ATP2C2: variants seen among roughly 807,000 people sequenced by gnomAD.
The protein encoded by ATP2C2 is ATPase secretory pathway Ca2+ transporting 2, also known as calcium-transporting ATPase type 2C member 2.
ATP2C2 carries 171 observed loss-of-function variants against 110.8 expected under a neutral mutation model. The ratio of observed to expected loss-of-function variants is 1.54; its 90% CI spans 1.36 to 1.75. ATP2C2 has a LOEUF of 1.75. ATP2C2 is among the 40% of genes most tolerant of loss of function. The pLI, the probability that ATP2C2 is intolerant of heterozygous loss-of-function variation, is 0.00. For missense variants in ATP2C2, 1,963 were observed against 1,235.0 expected (o/e 1.59, Z -8.84); for synonymous variants, 804 against 508.4 (o/e 1.58, Z -7.82).
intron 17 of ATP2C2, among the ~76,000 whole-genome samples, chr16:84,450,835 A>G (rs559129038): frequency 6.6e-6 from 1 of 152,056 alleles, no homozygotes; most frequent in South Asian, 2.1e-4. Flanking sequence ...TAACCTCTGT[A>G]CCGCGCCCCC....
chr16:84,462,387 T>C, intron 26 of ATP2C2: 1 of 411,256 alleles, frequency 2.4e-6, no homozygotes. Flanking sequence ...GGCACCGGCA[T>C]CCCAGGCGTC....
rs1265027320 is a variant in ATP2C2, at chr16:84,461,727, G to A, written c.2495G>A (p.Arg832Lys). 1 of 1,614,156 alleles carries A rather than the reference G, an allele frequency of 6.2e-7. No individual in the cohort carries two copies. The highest frequency in any genetic ancestry group is 1.1e-5 in the South Asian group (1 of 91,086). The change falls in exon 25 of 27, where the codon AGA becomes AAA. Residue 832 changes from arginine (R) to lysine (K), a missense_variant. Transcript: ENST00000262429. ...FIFWKEMPED[R>K]ASTPRTTTMT... Reference sequence around the variant, plus strand: ...CTCACCTTCCAGATGCCTGAAGACAGAGCAAGCACTCCCCGCACCACGACG... The same window carrying A: ...CTCACCTTCCAGATGCCTGAAGACAAAGCAAGCACTCCCCGCACCACGACG...
chr16:84,460,923 G>A lies in ATP2C2; in HGVS notation c.2481+122G>A, dbSNP rs1016094376. The A allele has an allele frequency of 5.2e-6, 7 of 1,351,762 alleles. No individual in the cohort carries two copies. In the South Asian group the frequency reaches 8.6e-5, roughly 17 times the overall value. 83.7% of individuals were successfully genotyped at this position (1,351,762 alleles called of 1,614,324 possible). ...GAGAGGCAAACATGTACACACACCG[G>A]ACAATGTGATGCCATCAGAGGCGTG... On this transcript the variant is annotated intron_variant, in intron 24 of 26. Coordinates refer to ENST00000262429, the MANE Select transcript of ATP2C2 (RefSeq NM_014861.4).
chr16:84,388,754 C>T (rs1248496728), intron 1 of ATP2C2, among the ~76,000 whole-genome samples: 1 of 152,052 alleles, frequency 6.6e-6, no homozygotes, highest in Non-Finnish European at 1.5e-5. Context: ...TTGTGAAATT[C>T]TTTTTTTGTT....
rs549879037 is a variant in ATP2C2, at chr16:84,396,473, C to G, written c.100-2026C>G. The stretch of plus-strand genomic sequence containing the variant: ...GGTGAGGCAGGAGACTCGCTTGAAC[C>G]CGGGAGGAGGAGGTTGTAGTGAGCC... On this transcript the variant is annotated intron_variant, in intron 1 of 26. Transcript: ENST00000262429. Among the ~76,000 whole-genome samples, 4 of 150,682 alleles carry G rather than the reference C, an allele frequency of 2.7e-5. No individual in the cohort carries two copies. The East Asian group carries it at 7.8e-4, about 30-fold the overall frequency.
intron 17 of ATP2C2, among the ~76,000 whole-genome samples, chr16:84,449,625 G>A (rs247889): frequency 0.21 from 31,799 of 152,080 alleles, 4,330 homozygotes; most frequent in Non-Finnish European, 0.28. Flanking sequence ...CAGCTTCTGC[G>A]AGCCAGGTGA....
intron 4 of ATP2C2, among the ~76,000 whole-genome samples, chr16:84,409,979 G>T (rs1421238917): frequency 1.3e-5 from 2 of 152,130 alleles, no homozygotes; most frequent in African/African-American, 2.4e-5. Flanking sequence ...GGAGGCCTGG[G>T]GGGTGGATCA....
intron 1 of ATP2C2, among the ~76,000 whole-genome samples, chr16:84,373,270 C>G (rs1910062705): frequency 1.3e-5 from 2 of 152,206 alleles, no homozygotes; most frequent in African/African-American, 4.8e-5. Context: ...AAAGCCGAGG[C>G]AGGCGGATCA....
intron 1 of ATP2C2, among the ~76,000 whole-genome samples, chr16:84,382,310 C>A (rs1053757650): frequency 3.3e-5 from 5 of 152,194 alleles, no homozygotes; most frequent in Non-Finnish European, 7.3e-5. Flanking sequence ...GCAAAGGACA[C>A]GAACTCATCC....
chr16:84,373,620 A>G (rs1910087846), intron 1 of ATP2C2, among the ~76,000 whole-genome samples: 3 of 152,240 alleles, frequency 2.0e-5, no homozygotes, highest in Admixed American at 6.5e-5. Flanking sequence ...GGTCCAGTCT[A>G]CACTCAAAGG....
chr16:84,426,061 A>C, intron 11 of ATP2C2: 1 of 462,012 alleles, frequency 2.2e-6, no homozygotes, highest in Non-Finnish European at 3.9e-6. Context: ...TAAAAAAAAA[A>C]AAAATACCTG....
chr16:84,395,504 G>A (rs1006381546), intron 1 of ATP2C2, among the ~76,000 whole-genome samples: 1 of 151,254 alleles, frequency 6.6e-6, no homozygotes, highest in African/African-American at 2.4e-5. Context: ...TGTTGCCCAG[G>A]CTGGAGTGCA....
At chr16:84,400,363 G>C (rs1375946850) in intron 2 of ATP2C2, among the ~76,000 whole-genome samples, 1 of 143,726 alleles carries the variant, frequency 7.0e-6, no homozygotes, top group Non-Finnish European at 1.5e-5. Context: ...GTCTCACTCT[G>C]TCACCCAAGC....
In ATP2C2 at chr16:84,453,511, C is replaced by T. The variant is rs548158779; in HGVS notation, c.1980+140C>T. 43 of 1,154,140 alleles carry T rather than the reference C, an allele frequency of 3.7e-5. No homozygotes were observed. The East Asian group carries it at 5.0e-4, about 13-fold the overall frequency. The allele number at this position is 1,154,140 out of a possible 1,614,324, so 71.5% of individuals were successfully genotyped here. A position where few individuals can be genotyped will look rare whatever the true frequency, so the allele number is the denominator to read the frequency against. ...TTCTCTAGGTCCAGGGCAGCTGCCCCGGGAGTTACCTTTTCATAGCCAGGG... is the reference window on the plus strand; with the variant it reads ...TTCTCTAGGTCCAGGGCAGCTGCCCTGGGAGTTACCTTTTCATAGCCAGGG... On this transcript the variant is annotated intron_variant, in intron 20 of 26. Coordinates refer to ENST00000262429, the MANE Select transcript of ATP2C2 (RefSeq NM_014861.4).
intron 23 of ATP2C2, 127 bp downstream of exon 23, chr16:84,459,513 C>G (rs1421304496): frequency 1.9e-6 from 3 of 1,565,054 alleles, no homozygotes; most frequent in Non-Finnish European, 2.6e-6. Context: ...CAGGAGTTCC[C>G]AGAAAACTGA....
Position 84,385,455 on chromosome 16 carries a change from C to T in ATP2C2, c.100-13044C>T, listed in dbSNP as rs566205382. 3.3e-5 allele frequency among the ~76,000 whole-genome samples: 5 copies of T among 152,250 alleles called. No homozygotes were observed. In the South Asian group the frequency reaches 1.0e-3, roughly 32 times the overall value. On this transcript the variant is annotated intron_variant, in intron 1 of 26. Transcript: ENST00000262429. ...GTGAACACAGATCCAAACCATATCA[C>T]CATCATCATCATTCTCTCTCATTTA...
Position 84,442,541 on chromosome 16 carries a change from G to C in ATP2C2, c.1343G>C (p.Arg448Thr). ...AGCVANNAVI[R>T]KNAVMGQPTE... ...TGTGTTGCCAACAATGCGGTCATCAGAAAGAACGCCGTGATGGGGCAGCCC... is the reference window on the plus strand; with the variant it reads ...TGTGTTGCCAACAATGCGGTCATCACAAAGAACGCCGTGATGGGGCAGCCC... Residue 448 changes from arginine (R) to threonine (T), a missense_variant, in exon 15 of 27, where the codon AGA (arginine) becomes ACA (threonine). Arg to Thr is a moderately conservative substitution (Grantham distance 71). Transcript: ENST00000262429. 2 of 1,614,120 alleles carry C rather than the reference G, an allele frequency of 1.2e-6. No homozygotes were observed. Among genetic ancestry groups the C allele is most frequent in the Non-Finnish European group, 1.7e-6 (2 of 1,179,978 alleles).
intron 1 of ATP2C2, among the ~76,000 whole-genome samples, chr16:84,373,118 TC>T (rs1442730103): frequency 3.5e-5 from 3 of 86,322 alleles, no homozygotes; most frequent in African/African-American, 9.9e-5. Flanking sequence ...AGACTCCCTC[TC>T]AAAAAAAAAA....
chr16:84,452,153 C>A (rs965863981), intron 18 of ATP2C2, 62 bp downstream of exon 18: 1 of 1,590,150 alleles, frequency 6.3e-7, no homozygotes, highest in South Asian at 1.1e-5. Context: ...CGATGGGGGG[C>A]TGCTACCAAA....
Sources: gnomAD v4.1 joint callset for allele counts (sites outside exome capture counted in the v4.1 genomes callset) on GRCh38, gnomAD v4.1.1 for gene constraint, MANE v1.5 for transcripts, NCBI Gene and HGNC (gene_info 2026-07-23, HGNC 2026-07-21) for gene names.